The following EPB41 variants were observed in gnomAD, a reference collection of about 807,000 sequenced individuals.
EPB41 encodes protein 4.1.
Under a neutral mutation model 108.0 loss-of-function variants are expected in EPB41, and 65 were observed. The ratio of observed to expected loss-of-function variants is 0.60; its 90% CI spans 0.49 to 0.74. The LOEUF (loss-of-function observed/expected upper bound fraction) is 0.74. EPB41 is among the 30% of genes least tolerant of loss of function. The pLI is 0.00. For synonymous variants in EPB41, 336 were observed against 358.9 expected, an observed-to-expected ratio of 0.94 and a Z score of 0.72; for missense variants, 875 against 1,037.0, an observed-to-expected ratio of 0.84 and a Z score of 2.15.
intron 1 of EPB41, among the ~76,000 whole-genome samples, chr1:28,935,202 A>ACCT (rs2093943592): frequency 6.6e-6 from 1 of 152,020 alleles, no homozygotes; most frequent in African/African-American, 2.4e-5. Flanking sequence ...AGGATGAGGC[A>ACCT]GGCTGATCAC....
intron 16 of EPB41, among the ~76,000 whole-genome samples, chr1:29,093,239 G>A (rs1661966124): frequency 6.6e-6 from 1 of 152,154 alleles, no homozygotes; most frequent in African/African-American, 2.4e-5. Context: ...TTTAGTAACA[G>A]CCATTCTGAC....
chr1:28,908,530 C>T (rs1457714591), intron 1 of EPB41, among the ~76,000 whole-genome samples: 1 of 150,594 alleles, frequency 6.6e-6, no homozygotes, highest in Non-Finnish European at 1.5e-5. Context: ...CTCCTGGGTT[C>T]AAGCCATTCT....
intron 4 of EPB41, among the ~76,000 whole-genome samples, chr1:28,999,848 A>T (rs1362928508): frequency 6.6e-6 from 1 of 151,926 alleles, no homozygotes; most frequent in Non-Finnish European, 1.5e-5. Flanking sequence ...CAGTGGTGCG[A>T]TCTTGGCTCA....
At chr1:29,075,446 C>T (rs905491006) in intron 16 of EPB41, among the ~76,000 whole-genome samples, 7 of 152,196 alleles carry the variant, frequency 4.6e-5, no homozygotes, top group African/African-American at 1.7e-4. Flanking sequence ...CCACTGTACT[C>T]CAGCCTGGGC....
At chr1:28,965,848 CTA>C (rs1488968259) in intron 1 of EPB41, among the ~76,000 whole-genome samples, 4 of 152,116 alleles carry the variant, frequency 2.6e-5, no homozygotes, top group African/African-American at 9.7e-5. Flanking sequence ...CATGGGATGA[CTA>C]TTAATTCCTT....
At position 29,053,234 on chromosome 1, in the gene EPB41, G is replaced by A; in HGVS notation, c.1767G>A (p.Lys589=). 1 of 1,614,202 alleles carries A rather than the reference G, an allele frequency of 6.2e-7. No homozygotes were observed. Among genetic ancestry groups the A allele is most frequent in the Non-Finnish European group, 8.5e-7 (1 of 1,180,038 alleles). The change falls in exon 12 of 21, where the codon AAG becomes AAA. Residue 589 remains lysine (K), a synonymous_variant. Transcript: ENST00000343067. ...AKKTVVPKAQ[K]ETVKAEVKKE... is the part of the protein sequence containing the mutation. ...AAACAGTGGTCCCTAAAGCACAGAA[G>A]GAAACAGTGAAGGCTGAAGTGAAAA...
Position 29,115,876 on chromosome 1 carries a change from G to T in EPB41, c.*6+73G>T, listed in dbSNP as rs577389693. 131 of 1,161,976 alleles carry T rather than the reference G, an allele frequency of 1.1e-4. 1 individual carries two copies. The Middle Eastern group carries it at 2.0e-3, about 17-fold the overall frequency. 72.0% of individuals were successfully genotyped at this position (1,161,976 alleles called of 1,614,324 possible). ...GAGAGGGCTCTGGATGGGACCCTCG[G>T]ACACACTGGGAGCCCATCCCCACAA... On this transcript the variant is annotated intron_variant, in intron 20 of 20. Transcript: ENST00000343067. The surrounding 1 kb of genome is among the most constrained non-coding windows in gnomAD (Gnocchi z 4.4).
At chr1:28,919,364 G>A (rs1451110138) in intron 1 of EPB41, among the ~76,000 whole-genome samples, 1 of 152,098 alleles carries the variant, frequency 6.6e-6, no homozygotes, top group Non-Finnish European at 1.5e-5. Flanking sequence ...TTCCCACTAA[G>A]TCACCCTAAG....
rs561553967 is a variant in EPB41, at chr1:28,966,938, G to C, written c.-7-20493G>C. 7.3e-5 allele frequency among the ~76,000 whole-genome samples: 11 copies of C among 151,440 alleles called. No individual in the cohort carries two copies. The South Asian group carries it at 2.3e-3, about 32-fold the overall frequency. ...CTAACTGTACTTTTAGTAGGATCAT[G>C]CTACCTCCTTTACTGATAACTAACT... On this transcript the variant is annotated intron_variant, in intron 1 of 20. Transcript: ENST00000343067.
chr1:29,048,531 T>C (rs1643922519), intron 11 of EPB41, among the ~76,000 whole-genome samples: 1 of 152,184 alleles, frequency 6.6e-6, no homozygotes, highest in African/African-American at 2.4e-5. Flanking sequence ...TTTACGCTTT[T>C]ATTGAGCTTT....
Position 29,088,013 on chromosome 1 carries a change from A to G in EPB41, c.2185-9794A>G, listed in dbSNP as rs74598735. ...ATATATATAGGCAGCCAATCTTTCT[A>G]TCATAGCATCTTTTTTCCTTTTTCT... is the stretch of plus-strand genomic sequence containing the variant. On this transcript the variant is annotated intron_variant, in intron 16 of 20. Coordinates refer to ENST00000343067, the MANE Select transcript of EPB41 (RefSeq NM_001376013.1). 2.0e-3 allele frequency among the ~76,000 whole-genome samples: 300 copies of G among 150,138 alleles called. 2 individuals carry two copies. The highest frequency in any genetic ancestry group is 6.6e-3 in the African/African-American group (270 of 41,032).
intron 1 of EPB41, among the ~76,000 whole-genome samples, chr1:28,947,882 G>A (rs1349157084): frequency 1.3e-5 from 2 of 152,020 alleles, no homozygotes; most frequent in African/African-American, 4.8e-5. Context: ...TTTATTATAG[G>A]AATTTTATAT....
intron 5 of EPB41, among the ~76,000 whole-genome samples, chr1:29,013,856 A>AT (rs2096542811): frequency 9.0e-6 from 1 of 110,750 alleles, no homozygotes; most frequent in Non-Finnish European, 1.9e-5. Flanking sequence ...TTTTTTTTTT[A>AT]ATCACACAAG....
At chr1:28,889,652 T>C in intron 1 of EPB41, 1 of 203,240 alleles carries the variant, frequency 4.9e-6, no homozygotes, top group Non-Finnish European at 8.7e-6. Flanking sequence ...CAGACCTCTG[T>C]TGGCTGGGGC....
intron 1 of EPB41, among the ~76,000 whole-genome samples, chr1:28,941,205 CA>C (rs112593604): frequency 5.1e-4 from 66 of 128,680 alleles, no homozygotes; most frequent in Non-Finnish European, 4.9e-4. Flanking sequence ...CTGTCTCTAC[CA>C]AAAAAAAAAA....
intron 12 of EPB41, among the ~76,000 whole-genome samples, chr1:29,055,287 G>A (rs1645172439): frequency 6.6e-6 from 1 of 152,064 alleles, no homozygotes; most frequent in Non-Finnish European, 1.5e-5. Context: ...CCCTCTATTT[G>A]TTATACTAAC....
intron 16 of EPB41, among the ~76,000 whole-genome samples, chr1:29,075,289 C>G (rs1653526284): frequency 6.6e-6 from 1 of 152,006 alleles, no homozygotes; most frequent in African/African-American, 2.4e-5. Flanking sequence ...ACCAGCCTGG[C>G]TAACATGGTG....
chr1:29,006,459 G>A (rs765775722), intron 4 of EPB41, among the ~76,000 whole-genome samples: 44 of 151,762 alleles, frequency 2.9e-4, no homozygotes, highest in Admixed American at 5.3e-4. Context: ...GGATGGTCTC[G>A]ATCTCCTGAC....
chr1:29,092,583 G>A (rs908395307), intron 16 of EPB41, among the ~76,000 whole-genome samples: 15 of 152,080 alleles, frequency 9.9e-5, no homozygotes, highest in African/African-American at 2.4e-4. Context: ...TTAGGTACAC[G>A]CGCAGGTTTG....
Sources: gnomAD v4.1 joint callset for allele counts (sites outside exome capture counted in the v4.1 genomes callset) on GRCh38, gnomAD v4.1.1 for gene constraint, Gnocchi (gnomAD v3.1) non-coding constraint, MANE v1.5 for transcripts, NCBI Gene and HGNC (gene_info 2026-07-23, HGNC 2026-07-21) for gene names.